Variants in SVIL observed in about 807,000 individuals in gnomAD.
SVIL encodes supervillin.
In SVIL, 101 loss-of-function variants were observed where a neutral mutation model predicts 240.4. The observed-to-expected ratio is 0.42, with a 90% CI of 0.36 to 0.50. SVIL has a LOEUF of 0.50. Among genes scored for constraint, SVIL ranks in the 20% least tolerant of loss-of-function variants. SVIL has a pLI of 0.01. For missense variants in SVIL, 2,512 were observed against 2,818.7 expected (o/e 0.89, Z 2.46); for synonymous variants, 999 against 1,100.0 (o/e 0.91, Z 1.82).
chr10:29,517,285 G>C (rs1201268551), intron 16 of SVIL, among the ~76,000 whole-genome samples: 1 of 152,082 alleles, frequency 6.6e-6, no homozygotes, highest in Non-Finnish European at 1.5e-5. Flanking sequence ...AGCCAGCTGA[G>C]CATGGTGGTG....
intron 1 of SVIL, among the ~76,000 whole-genome samples, chr10:29,719,081 C>T (rs1174911566): frequency 1.3e-5 from 2 of 152,156 alleles, no homozygotes; most frequent in African/African-American, 4.8e-5. Context: ...GCACTCCAGC[C>T]TGGATGACAG....
intron 18 of SVIL, among the ~76,000 whole-genome samples, chr10:29,497,728 A>C (rs1157027795): frequency 6.6e-6 from 1 of 152,178 alleles, no homozygotes; most frequent in Admixed American, 6.5e-5. Context: ...AAACTTCTTT[A>C]TTGTGAAAGG....
chr10:29,508,966 A>C (rs1230060619), intron 17 of SVIL, among the ~76,000 whole-genome samples: 1 of 152,260 alleles, frequency 6.6e-6, no homozygotes, highest in African/African-American at 2.4e-5. Flanking sequence ...TGGAATTGAA[A>C]ATAACTATTT....
Position 29,532,958 on chromosome 10 carries a change from T to A in SVIL, c.1409A>T (p.Asp470Val), listed in dbSNP as rs956410196. The change falls in exon 8 of 38, where the codon GAT (aspartate) becomes GTT (valine). Residue 470 changes from aspartate (D) to valine (V), a missense_variant. Physicochemically the swap from Asp to Val is radical, Grantham distance 152. Coordinates refer to ENST00000355867, the MANE Select transcript of SVIL (RefSeq NM_021738.3). ...ACCAAAGTCCTCATTTCTAGAGGGA[T>A]CTTCTGGGCTTCTCACTAGCCCATC... ...EGDGLVRSPEDPSRNEDFGKP... is the reference protein window; with the variant it reads ...EGDGLVRSPEVPSRNEDFGKP... The A allele has an allele frequency of 7.6e-5, 122 of 1,614,058 alleles. No individual in the cohort carries two copies. Among genetic ancestry groups the A allele is most frequent in the Non-Finnish European group, 9.7e-5 (115 of 1,180,040 alleles).
intron 2 of SVIL, among the ~76,000 whole-genome samples, chr10:29,564,978 G>T (rs7077934): frequency 6.6e-6 from 1 of 151,920 alleles, no homozygotes; most frequent in South Asian, 2.1e-4. Flanking sequence ...AAGGAATGGC[G>T]TGTTATTTTA....
chr10:29,526,866 T>G, intron 13 of SVIL, 95 bp downstream of exon 13: 2 of 1,071,974 alleles, frequency 1.9e-6, no homozygotes, highest in South Asian at 3.7e-5. Flanking sequence ...TTGACTTGTT[T>G]GTCAAACAAA....
intron 18 of SVIL, among the ~76,000 whole-genome samples, chr10:29,497,579 C>T (rs938771462): frequency 1.2e-4 from 19 of 152,204 alleles, no homozygotes; most frequent in African/African-American, 4.6e-4. Flanking sequence ...AAGATTGCAG[C>T]AGGGACATCC....
At chr10:29,682,668 TAGAC>T (rs1960755653) in intron 2 of SVIL, among the ~76,000 whole-genome samples, 1 of 152,244 alleles carries the variant, frequency 6.6e-6, no homozygotes, top group Non-Finnish European at 1.5e-5. Flanking sequence ...TGCCTGGAAT[TAGAC>T]AGGCTTGGTG....
intron 36 of SVIL, 55 bp from the exon 37 acceptor site, chr10:29,458,644 TTTA>T: frequency 6.3e-7 from 1 of 1,580,060 alleles, no homozygotes; most frequent in South Asian, 1.2e-5. Context: ...TTGAACTTGT[TTTA>T]TTAAGTGCTT....
intron 2 of SVIL, among the ~76,000 whole-genome samples, chr10:29,668,109 A>G (rs1327886670): frequency 2.0e-5 from 3 of 152,180 alleles, no homozygotes; most frequent in African/African-American, 2.4e-5. Context: ...TTTTTAGAGA[A>G]TAAAGCTCCC....
chr10:29,558,891 A>G (rs1363222547), intron 3 of SVIL, among the ~76,000 whole-genome samples: 1 of 150,192 alleles, frequency 6.7e-6, no homozygotes, highest in Non-Finnish European at 1.5e-5. Context: ...CTGTGCCACT[A>G]CACTCCAGCC....
chr10:29,463,438 C>T, intron 35 of SVIL, 54 bp downstream of exon 35: 6 of 1,581,632 alleles, frequency 3.8e-6, no homozygotes, highest in South Asian at 3.4e-5. Flanking sequence ...CTGCGCATGC[C>T]TGAGGGGCTT....
At chr10:29,697,053 G>A (rs1489967399) in intron 1 of SVIL, among the ~76,000 whole-genome samples, 26 of 137,438 alleles carry the variant, frequency 1.9e-4, no homozygotes, top group African/African-American at 6.3e-4. Context: ...CGCCCCGTCC[G>A]GGAGGTGAGG....
intron 20 of SVIL, 105 bp downstream of exon 20, chr10:29,494,808 TA>T: frequency 9.5e-7 from 1 of 1,048,154 alleles, no homozygotes; most frequent in Non-Finnish European, 1.4e-6. Context: ...CTTGTTTCTC[TA>T]ATCAGTCTTG....
chr10:29,533,012 C>A lies in SVIL; in HGVS notation c.1355G>T (p.Ser452Ile), dbSNP rs989525300. 3.1e-6 allele frequency: 5 copies of A among 1,614,148 alleles called. No homozygotes were observed. Among genetic ancestry groups the A allele is most frequent in the Non-Finnish European group, 4.2e-6 (5 of 1,180,032 alleles). Residue 452 changes from serine to isoleucine, a missense_variant, in exon 8 of 38, where the codon AGC becomes ATC. By Grantham distance (142) the Ser-to-Ile change is moderately radical. This residue lies in a region of SVIL where 1,443 missense variants were observed against 1,486.6 expected (regional missense o/e 0.97). Coordinates refer to ENST00000355867, the MANE Select transcript of SVIL (RefSeq NM_021738.3). ...DVCFTEALEQ[S>I]KKTLLALEGD... ...CTCCAAAGCCAGTAGGGTTTTCTTG[C>A]TTTGCTCGAGAGCTTCAGTGAAGCA... is the stretch of plus-strand genomic sequence containing the variant.
chr10:29,646,301 TA>T (rs1160747749), intron 3 of SVIL, among the ~76,000 whole-genome samples: 1 of 152,214 alleles, frequency 6.6e-6, no homozygotes. Context: ...CCTTCTCAAA[TA>T]CCTCTTTGGG....
chr10:29,593,743 TC>T (rs1241687759), intron 1 of SVIL, among the ~76,000 whole-genome samples: 1 of 152,194 alleles, frequency 6.6e-6, no homozygotes, highest in Non-Finnish European at 1.5e-5. Context: ...TAAGAAATAG[TC>T]AATAAATCAA....
chr10:29,716,870 T>G (rs1963641664), intron 1 of SVIL, among the ~76,000 whole-genome samples: 1 of 152,158 alleles, frequency 6.6e-6, no homozygotes, highest in Non-Finnish European at 1.5e-5. Context: ...CACTGTACAG[T>G]TAACTACAAT....
intron 3 of SVIL, among the ~76,000 whole-genome samples, chr10:29,650,870 G>T (rs1313791868): frequency 1.3e-5 from 2 of 152,168 alleles, no homozygotes; most frequent in African/African-American, 4.8e-5. Flanking sequence ...GATCACTTGA[G>T]GCCAGTAGTT....
Sources: gnomAD v4.1 joint callset for allele counts (sites outside exome capture counted in the v4.1 genomes callset) on GRCh38, gnomAD v4.1.1 for gene constraint, gnomAD v4.1.1 regional missense constraint, MANE v1.5 for transcripts, NCBI Gene and HGNC (gene_info 2026-07-23, HGNC 2026-07-21) for gene names.